Variants in LRRC4C observed in about 807,000 individuals in gnomAD.
LRRC4C encodes the protein leucine rich repeat containing 4C.
In LRRC4C, 5 loss-of-function variants were observed where a neutral mutation model predicts 33.6. The ratio of observed to expected loss-of-function variants is 0.15; its 90% CI spans 0.08 to 0.31. The LOEUF (loss-of-function observed/expected upper bound fraction) is 0.31. Among genes scored for constraint, LRRC4C ranks in the 10% least tolerant of loss-of-function variants. LRRC4C has a pLI of 1.00. For synonymous variants in LRRC4C, 329 were observed against 302.0 expected, an observed-to-expected ratio of 1.09 and a Z score of -0.93; for missense variants, 560 against 796.7, an observed-to-expected ratio of 0.70 and a Z score of 3.58.
intron 1 of LRRC4C, among the ~76,000 whole-genome samples, chr11:41,352,007 G>A (rs1474948010): frequency 6.6e-6 from 1 of 152,118 alleles, no homozygotes; most frequent in Non-Finnish European, 1.5e-5. Flanking sequence ...ACAATGATGT[G>A]ATAAAATCCT....
chr11:40,330,404 A>G (rs1043219614), intron 3 of LRRC4C, among the ~76,000 whole-genome samples: 7 of 152,210 alleles, frequency 4.6e-5, no homozygotes, highest in African/African-American at 1.7e-4. Context: ...TACAATGTGT[A>G]ATGATCAAGT....
intron 1 of LRRC4C, among the ~76,000 whole-genome samples, chr11:40,937,804 G>T (rs1957972422): frequency 6.6e-6 from 1 of 151,976 alleles, no homozygotes; most frequent in South Asian, 2.1e-4. Flanking sequence ...ACCATGCCCA[G>T]CTTTTTGTTG....
intron 1 of LRRC4C, among the ~76,000 whole-genome samples, chr11:41,273,137 G>C (rs1360637046): frequency 1.3e-5 from 2 of 152,244 alleles, no homozygotes; most frequent in Admixed American, 6.5e-5. Context: ...AAAAGGTAAA[G>C]TATAACAAAT....
chr11:40,525,946 T>C (rs1164897768), intron 3 of LRRC4C, among the ~76,000 whole-genome samples: 1 of 152,168 alleles, frequency 6.6e-6, no homozygotes, highest in African/African-American at 2.4e-5. Context: ...ATGTTATCAC[T>C]TTATTCATAA....
chr11:41,392,023 G>T (rs1414288675), intron 1 of LRRC4C, among the ~76,000 whole-genome samples: 1 of 151,770 alleles, frequency 6.6e-6, no homozygotes, highest in East Asian at 1.9e-4. Flanking sequence ...TATAAAAATA[G>T]CTTCAAATTA....
intron 1 of LRRC4C, among the ~76,000 whole-genome samples, chr11:41,013,260 T>G (rs1855342728): frequency 6.6e-6 from 1 of 152,230 alleles, no homozygotes; most frequent in Non-Finnish European, 1.5e-5. Context: ...AGTTACTCAT[T>G]GTATCCACTG....
intron 2 of LRRC4C, among the ~76,000 whole-genome samples, chr11:40,886,677 TA>T (rs1257000598): frequency 1.3e-5 from 2 of 151,852 alleles, no homozygotes; most frequent in Non-Finnish European, 2.9e-5. Flanking sequence ...AATGACTCTT[TA>T]AATACAGAAA....
At chr11:40,240,552 T>C (rs1363434058) in intron 5 of LRRC4C, among the ~76,000 whole-genome samples, 3 of 152,170 alleles carry the variant, frequency 2.0e-5, no homozygotes, top group Non-Finnish European at 4.4e-5. Context: ...ACACTAAACA[T>C]GCACACTCTT....
At chr11:40,400,426 T>C (rs1949714865) in intron 3 of LRRC4C, among the ~76,000 whole-genome samples, 1 of 152,172 alleles carries the variant, frequency 6.6e-6, no homozygotes. Flanking sequence ...TGTGTGTATA[T>C]ATGTCTGTGT....
At chr11:41,126,299 G>C (rs1008925294) in intron 1 of LRRC4C, among the ~76,000 whole-genome samples, 5 of 151,592 alleles carry the variant, frequency 3.3e-5, no homozygotes, top group Non-Finnish European at 5.9e-5. Context: ...GGAAAATAAG[G>C]TTGTAAAACT....
intron 1 of LRRC4C, among the ~76,000 whole-genome samples, chr11:41,281,043 TC>T (rs1949648482): frequency 2.0e-3 from 9 of 4,574 alleles, no homozygotes; most frequent in African/African-American, 3.5e-3. Context: ...ATACATATTT[TC>T]TCTCTCTCTC....
intron 2 of LRRC4C, among the ~76,000 whole-genome samples, chr11:40,838,575 A>G (rs1001149576): frequency 3.3e-5 from 5 of 151,342 alleles, no homozygotes; most frequent in African/African-American, 1.2e-4. Context: ...ATTCTGCTCT[A>G]TTACTCTAAG....
At chr11:41,023,604 T>C (rs1444002612) in intron 1 of LRRC4C, among the ~76,000 whole-genome samples, 1 of 149,464 alleles carries the variant, frequency 6.7e-6, no homozygotes, top group African/African-American at 2.5e-5. Context: ...GGAACAGTGA[T>C]AAGGTGGGAG....
At chr11:41,085,442 C>A (rs1417016067) in intron 1 of LRRC4C, among the ~76,000 whole-genome samples, 5 of 152,150 alleles carry the variant, frequency 3.3e-5, no homozygotes, top group Admixed American at 6.6e-5. Flanking sequence ...TTAATATTGA[C>A]TGGCTCTCTC....
chr11:41,072,010 TAA>T (rs963123092), intron 1 of LRRC4C, among the ~76,000 whole-genome samples: 1 of 152,098 alleles, frequency 6.6e-6, no homozygotes, highest in Admixed American at 6.6e-5. Flanking sequence ...TGCAATTTCA[TAA>T]AAAAACTTGA....
intron 1 of LRRC4C, among the ~76,000 whole-genome samples, chr11:41,013,790 A>G (rs1186513690): frequency 6.6e-6 from 1 of 152,178 alleles, no homozygotes; most frequent in Non-Finnish European, 1.5e-5. Context: ...TAGTTGGCTT[A>G]CAGTTCTGCA....
At chr11:40,203,143 C>T (rs1387507402) in intron 5 of LRRC4C, among the ~76,000 whole-genome samples, 1 of 152,062 alleles carries the variant, frequency 6.6e-6, no homozygotes, top group Non-Finnish European at 1.5e-5. Context: ...TTCAATCATC[C>T]CTTTGTTACT....
intron 2 of LRRC4C, among the ~76,000 whole-genome samples, chr11:40,861,324 C>A (rs1163236412): frequency 6.6e-6 from 1 of 152,074 alleles, no homozygotes; most frequent in Non-Finnish European, 1.5e-5. Flanking sequence ...CCTGGGAAAC[C>A]TGGGACTTAA....
At chr11:41,161,241 A>G (rs1345825144) in intron 1 of LRRC4C, among the ~76,000 whole-genome samples, 2 of 152,170 alleles carry the variant, frequency 1.3e-5, no homozygotes, top group African/African-American at 2.4e-5. Context: ...CTGCTTACAT[A>G]TATACAATGA....
Sources: gnomAD v4.1 joint callset for allele counts (sites outside exome capture counted in the v4.1 genomes callset) on GRCh38, gnomAD v4.1.1 for gene constraint, MANE v1.5 for transcripts, NCBI Gene and HGNC (gene_info 2026-07-23, HGNC 2026-07-21) for gene names.